Variants in DIO2 observed in about 807,000 individuals in gnomAD.
DIO2 encodes the protein type II iodothyronine deiodinase.
In DIO2, 19 loss-of-function variants were observed where a neutral mutation model predicts 21.4. That is an observed-to-expected ratio of 0.89 (90% CI 0.62 to 1.30). DIO2 has a LOEUF of 1.30. Ranked by LOEUF, DIO2 falls within the 50% of genes most tolerant of loss-of-function variation. The probability of loss-of-function intolerance (pLI) is 0.00; values close to 1 mark genes in which losing one functional copy is unlikely to be tolerated. For synonymous variants in DIO2, 122 were observed against 132.9 expected, an observed-to-expected ratio of 0.92 and a Z score of 0.57; for missense variants, 302 against 338.1, an observed-to-expected ratio of 0.89 and a Z score of 0.84.
chr14:80,202,899 C>A lies in DIO2; in HGVS notation c.612G>T (p.Leu204Phe). 6.2e-7 allele frequency: 1 copy of A among 1,613,916 alleles called. No individual in the cohort carries two copies. The highest frequency in any genetic ancestry group is 8.5e-7 in the Non-Finnish European group (1 of 1,179,866). ...CAGCCACAACTCGGCACTGGGGCGG[C>A]AAGGAGAAACGCTCCAGAAGCTGCT... ...AAQQLLERFS[L>F]PPQCRVVADR... The change falls in exon 2 of 2, where the codon TTG (leucine) becomes TTT (phenylalanine). Residue 204 changes from leucine to phenylalanine, a missense_variant. By Grantham distance (22) the Leu-to-Phe change is conservative. Coordinates refer to ENST00000438257, the MANE Select transcript of DIO2 (RefSeq NM_013989.5).
In DIO2 at chr14:80,199,072, C is replaced by T. The variant is rs1887607768; in HGVS notation, c.*3617G>A. The T allele has an allele frequency of 6.6e-6, 1 of 152,220 alleles. No individual in the cohort carries two copies. Among genetic ancestry groups the T allele is most frequent in the Non-Finnish European group, 1.5e-5 (1 of 68,046 alleles). 9.4% of individuals were successfully genotyped at this position (152,220 alleles called of 1,614,324 possible). A position where few individuals can be genotyped will look rare whatever the true frequency, so the allele number is the denominator to read the frequency against. On this transcript the variant is annotated 3_prime_UTR_variant, in exon 2 of 2. Transcript: ENST00000438257. ...CCTGTAAATCAGTCAATTCTTCTTGCTTCGCACATAGGCCATAGGGCATGC... is the reference window on the plus strand; with the variant it reads ...CCTGTAAATCAGTCAATTCTTCTTGTTTCGCACATAGGCCATAGGGCATGC...
At chr14:80,206,869 G>A (rs558103740) in intron 1 of DIO2, among the ~76,000 whole-genome samples, 1 of 152,236 alleles carries the variant, frequency 6.6e-6, no homozygotes, top group East Asian at 1.9e-4. Flanking sequence ...GAGTAATTAG[G>A]TCGGTACCTC....
rs1489167640 is a variant in DIO2, at chr14:80,211,266, G to A, written c.207C>T (p.Leu69=). 2.5e-6 allele frequency: 4 copies of A among 1,611,060 alleles called. No individual in the cohort carries two copies. Among genetic ancestry groups the A allele is most frequent in the Admixed American group, 3.3e-5 (2 of 59,988 alleles). ...CTCAGCTCACCTGTTTGTAGGCATC[G>A]AGGAGGAAGCTCTTCCAGACGCAGC... The part of the protein sequence containing the change: ...GLRCVWKSFL[L]DAYKQVKLGE... Residue 69 remains leucine, a synonymous_variant, in exon 1 of 2, where the codon CTC becomes CTT. Transcript: ENST00000438257.
At chr14:80,220,815 C>T (rs928682051) in intron 2 of DIO2, among the ~76,000 whole-genome samples, 4 of 152,080 alleles carry the variant, frequency 2.6e-5, no homozygotes, top group South Asian at 2.1e-4. Context: ...ATAGGAGGCA[C>T]GGCTAGAGAC....
intron 1 of DIO2, among the ~76,000 whole-genome samples, chr14:80,209,746 T>C (rs1394520157): frequency 6.6e-6 from 1 of 152,222 alleles, no homozygotes; most frequent in Non-Finnish European, 1.5e-5. Context: ...GCTCTTACTA[T>C]TCACATTTTT....
In DIO2 at chr14:80,199,967, T is replaced by G. The variant is rs1566658023; in HGVS notation, c.*2722A>C. The G allele has an allele frequency of 6.6e-6, 1 of 152,624 alleles. No individual in the cohort carries two copies. The highest frequency in any genetic ancestry group is 1.5e-5 in the Non-Finnish European group (1 of 68,038). The allele number at this position is 152,624 out of a possible 1,614,324, so 9.5% of individuals were successfully genotyped here. A position where few individuals can be genotyped will look rare whatever the true frequency, so the allele number is the denominator to read the frequency against. On this transcript the variant is annotated 3_prime_UTR_variant, in exon 2 of 2. Transcript: ENST00000438257. The stretch of plus-strand genomic sequence containing the variant: ...AAACACATGAAACGCACATGAGTAT[T>G]GGCAATCTAATAATTTCTCAGCATA...
At chr14:80,209,350 GTTTTTTTT>G (rs200502602) in intron 1 of DIO2, among the ~76,000 whole-genome samples, 1 of 144,060 alleles carries the variant, frequency 6.9e-6, no homozygotes, top group African/African-American at 2.5e-5. Flanking sequence ...CTTCCAATAA[GTTTTTTTT>G]TTTTTACTTT....
chr14:80,215,292 T>G (rs771577514), upstream of DIO2, among the ~76,000 whole-genome samples: 2 of 152,206 alleles, frequency 1.3e-5, no homozygotes, highest in Non-Finnish European at 2.9e-5. Context: ...TATATTCCCA[T>G]AGTAAAAGAG....
At chr14:80,210,365 T>G (rs1005463123) in intron 1 of DIO2, among the ~76,000 whole-genome samples, 2 of 152,280 alleles carry the variant, frequency 1.3e-5, no homozygotes, top group African/African-American at 2.4e-5. Context: ...ACAGTATTTT[T>G]CACTTAGAAA....
At chr14:80,220,106 GCTC>G (rs1888436771) in intron 2 of DIO2, among the ~76,000 whole-genome samples, 1 of 151,510 alleles carries the variant, frequency 6.6e-6, no homozygotes, top group Non-Finnish European at 1.5e-5. Context: ...AGGGAGTCTC[GCTC>G]TGTCGCCCAG....
At chr14:80,219,140 T>C (rs1239157814) in intron 2 of DIO2, among the ~76,000 whole-genome samples, 3 of 152,078 alleles carry the variant, frequency 2.0e-5, no homozygotes, top group Non-Finnish European at 4.4e-5. Context: ...TACAACAGAC[T>C]CTCTCTTCTA....
chr14:80,225,829 TTGA>T (rs966053861), intron 2 of DIO2, among the ~76,000 whole-genome samples: 1 of 152,148 alleles, frequency 6.6e-6, no homozygotes, highest in African/African-American at 2.4e-5. Flanking sequence ...TGATTTCATC[TTGA>T]TGAAATCACT....
At chr14:80,229,263 G>A (rs1178585900) in intron 2 of DIO2, among the ~76,000 whole-genome samples, 1 of 152,146 alleles carries the variant, frequency 6.6e-6, no homozygotes, top group Non-Finnish European at 1.5e-5. Flanking sequence ...CTCTACACAA[G>A]TCAGATTATT....
chr14:80,230,354 A>G (rs550392405), intron 2 of DIO2, among the ~76,000 whole-genome samples: 1 of 152,290 alleles, frequency 6.6e-6, no homozygotes, highest in East Asian at 1.9e-4. Context: ...CCACTCGTAT[A>G]ATATGAGCTT....
At chr14:80,213,523 T>C (rs1158491364), upstream of DIO2, among the ~76,000 whole-genome samples, 1 of 152,172 alleles carries the variant, frequency 6.6e-6, no homozygotes, top group Non-Finnish European at 1.5e-5. Context: ...AGGTTGCTTT[T>C]TTGCCTTTAA....
At chr14:80,206,208 A>G in intron 1 of DIO2, 5 of 1,370,654 alleles carry the variant, frequency 3.6e-6, no homozygotes, top group Non-Finnish European at 5.0e-6. Flanking sequence ...TAATAAAACT[A>G]AGAAGGAAAA....
At chr14:80,228,978 G>A (rs1888632367) in intron 2 of DIO2, among the ~76,000 whole-genome samples, 1 of 152,138 alleles carries the variant, frequency 6.6e-6, no homozygotes, top group African/African-American at 2.4e-5. Context: ...GGAAGGATGG[G>A]AGAAAGATTC....
chr14:80,206,473 A>G (rs972676686), intron 1 of DIO2: 4 of 544,304 alleles, frequency 7.3e-6, no homozygotes, highest in Admixed American at 7.5e-5. Context: ...CTAATAGACC[A>G]GAGTTTCAAA....
intron 1 of DIO2, chr14:80,206,339 C>T: frequency 6.6e-7 from 1 of 1,511,498 alleles, no homozygotes; most frequent in Admixed American, 2.5e-5. Flanking sequence ...GACAATTTAG[C>T]TAAAATAAAG....
Sources: gnomAD v4.1 joint callset for allele counts (sites outside exome capture counted in the v4.1 genomes callset) on GRCh38, gnomAD v4.1.1 for gene constraint, MANE v1.5 for transcripts, NCBI Gene and HGNC (gene_info 2026-07-23, HGNC 2026-07-21) for gene names.